The following MAST4 variants were observed in gnomAD, a reference collection of about 807,000 sequenced individuals.
MAST4 encodes microtubule associated serine/threonine kinase family member 4.
MAST4 carries 89 observed loss-of-function variants against 162.7 expected under a neutral mutation model. The observed-to-expected ratio is 0.55, with a 90% CI of 0.46 to 0.65. The LOEUF (loss-of-function observed/expected upper bound fraction) is 0.65, where lower values mean the gene tolerates loss of function less well. Among genes scored for constraint, MAST4 ranks in the 30% least tolerant of loss-of-function variants. The pLI is 0.00. For missense variants in MAST4, 3,153 were observed against 3,374.0 expected, an observed-to-expected ratio of 0.93 and a Z score of 1.62; for synonymous variants, 1,479 against 1,361.1, an observed-to-expected ratio of 1.09 and a Z score of -1.91.
chr5:67,074,178 G>T (rs1761316284), intron 5 of MAST4, among the ~76,000 whole-genome samples: 1 of 151,710 alleles, frequency 6.6e-6, no homozygotes, highest in African/African-American at 2.4e-5. Flanking sequence ...AAAAGAAATA[G>T]AAATGACAGA....
intron 1 of MAST4, among the ~76,000 whole-genome samples, chr5:66,701,933 A>T (rs1006671926): frequency 2.0e-5 from 3 of 152,214 alleles, no homozygotes; most frequent in African/African-American, 7.2e-5. Context: ...ATTCATATAT[A>T]GTTCAAAATA....
At chr5:67,161,885 G>C (rs938742134) in intron 27 of MAST4, among the ~76,000 whole-genome samples, 7 of 152,296 alleles carry the variant, frequency 4.6e-5, no homozygotes, top group African/African-American at 1.7e-4. Flanking sequence ...GAGTGGGTTA[G>C]ATCTTACCAT....
At chr5:67,029,754 G>A (rs1173025689) in intron 4 of MAST4, among the ~76,000 whole-genome samples, 1 of 152,150 alleles carries the variant, frequency 6.6e-6, no homozygotes, top group African/African-American at 2.4e-5. Flanking sequence ...GGATGGAATA[G>A]TAGGAGTTTT....
At chr5:66,601,825 T>C (rs1035660588) in intron 1 of MAST4, among the ~76,000 whole-genome samples, 2 of 152,094 alleles carry the variant, frequency 1.3e-5, no homozygotes, top group Admixed American at 6.5e-5. Flanking sequence ...CATGATCAGA[T>C]TTGTATTTTG....
intron 1 of MAST4, among the ~76,000 whole-genome samples, chr5:66,617,114 A>G (rs2149401953): frequency 6.6e-6 from 1 of 152,332 alleles, no homozygotes; most frequent in South Asian, 2.1e-4. Flanking sequence ...ATTAAAATGG[A>G]GTATGAGGCA....
At position 67,136,551 on chromosome 5, in the gene MAST4, T is replaced by C. The variant is rs1446824629; in HGVS notation, c.2393-12T>C. The C allele has an allele frequency of 6.3e-7, 1 of 1,583,248 alleles. No individual in the cohort carries two copies. Among genetic ancestry groups the C allele is most frequent in the South Asian group, 1.2e-5 (1 of 86,514 alleles). Reference sequence around the variant, plus strand: ...GAACAATATGGTTATAAACAACTTTTCTTCCTTCTAGATGAGATCAACTGG... The same window carrying C: ...GAACAATATGGTTATAAACAACTTTCCTTCCTTCTAGATGAGATCAACTGG... On this transcript the variant is annotated splice_polypyrimidine_tract_variant and intron_variant, in intron 18 of 28. Coordinates refer to ENST00000403625, the MANE Select transcript of MAST4 (RefSeq NM_001164664.2).
At chr5:66,836,376 A>G (rs1267326696) in intron 3 of MAST4, among the ~76,000 whole-genome samples, 1 of 152,226 alleles carries the variant, frequency 6.6e-6, no homozygotes, top group Non-Finnish European at 1.5e-5. Flanking sequence ...CACTGTGGAA[A>G]GCAGTTTGGC....
chr5:67,044,940 A>G (rs1234194849), intron 4 of MAST4, among the ~76,000 whole-genome samples: 1 of 152,218 alleles, frequency 6.6e-6, no homozygotes, highest in Non-Finnish European at 1.5e-5. Context: ...GTTTCATACC[A>G]TGCATCCAGC....
intron 4 of MAST4, among the ~76,000 whole-genome samples, chr5:66,938,820 C>T (rs953203521): frequency 6.6e-6 from 1 of 152,078 alleles, no homozygotes; most frequent in African/African-American, 2.4e-5. Flanking sequence ...TTCAAAAACC[C>T]ACAACACATA....
chr5:66,597,646 C>G (rs866167065), intron 1 of MAST4, among the ~76,000 whole-genome samples: 9 of 152,206 alleles, frequency 5.9e-5, no homozygotes, highest in Admixed American at 2.6e-4. Context: ...TTGTTTCCAG[C>G]TTGTCCAGAT....
intron 4 of MAST4, among the ~76,000 whole-genome samples, chr5:66,951,130 A>G (rs1282874484): frequency 6.6e-6 from 1 of 152,230 alleles, no homozygotes; most frequent in Non-Finnish European, 1.5e-5. Context: ...TTAGGCCTTA[A>G]GGTTCTGTAG....
Position 66,660,091 on chromosome 5 carries a change from A to G in MAST4, c.363+63073A>G, listed in dbSNP as rs1404175396. Reference sequence around the variant, plus strand: ...TGGGAAAGTGAAAGAGTGGCACATGAAAGTGCTACATGCGTGGCTGGCCAC... The same window carrying G: ...TGGGAAAGTGAAAGAGTGGCACATGGAAGTGCTACATGCGTGGCTGGCCAC... On this transcript the variant is annotated intron_variant, in intron 1 of 28. Coordinates refer to ENST00000403625, the MANE Select transcript of MAST4 (RefSeq NM_001164664.2). Among the ~76,000 whole-genome samples, 3 of 152,194 alleles carry G rather than the reference A, an allele frequency of 2.0e-5. No homozygotes were observed. The South Asian group carries it at 6.2e-4, about 32-fold the overall frequency.
At chr5:66,940,515 G>A (rs1743243579) in intron 4 of MAST4, among the ~76,000 whole-genome samples, 1 of 152,142 alleles carries the variant, frequency 6.6e-6, no homozygotes, top group African/African-American at 2.4e-5. Context: ...TTCATTAGGA[G>A]TAAATTCTAC....
chr5:67,133,702 G>A (rs555371422), intron 17 of MAST4, 56 bp downstream of exon 17: 1 of 1,587,142 alleles, frequency 6.3e-7, no homozygotes, highest in African/African-American at 1.3e-5. Flanking sequence ...TATTGCCAGT[G>A]AAGTTCAGAA....
chr5:67,130,387 C>T lies in MAST4; in HGVS notation c.1923C>T (p.Arg641=). The T allele has an allele frequency of 6.2e-7, 1 of 1,613,944 alleles. No homozygotes were observed. Among genetic ancestry groups the T allele is most frequent in the Non-Finnish European group, 8.5e-7 (1 of 1,179,866 alleles). Residue 641 remains arginine (R), a synonymous_variant, in exon 15 of 29, where the codon CGC becomes CGT. Coordinates refer to ENST00000403625, the MANE Select transcript of MAST4 (RefSeq NM_001164664.2). The part of the protein sequence containing the change: ...VSMYCSFETR[R]HLCMVMEYVE... ...TGTATTGCTCCTTTGAAACAAGGCG[C>T]CACTTGTGCATGGTCATGGAATATG... is the stretch of plus-strand genomic sequence containing the variant.
chr5:66,764,328 G>C (rs1205471915), intron 2 of MAST4, among the ~76,000 whole-genome samples: 2 of 152,114 alleles, frequency 1.3e-5, no homozygotes, highest in Non-Finnish European at 2.9e-5. Flanking sequence ...TCCTGTACAG[G>C]CACATTTCAA....
intron 2 of MAST4, among the ~76,000 whole-genome samples, chr5:66,787,843 T>G (rs1376894887): frequency 1.3e-5 from 2 of 152,228 alleles, no homozygotes; most frequent in Non-Finnish European, 2.9e-5. Context: ...TCTGCTATTA[T>G]TGGGGCAAAG....
rs552162391 is a variant in MAST4, at chr5:67,067,550, G to T, written c.763+13058G>T. 2.5e-4 allele frequency among the ~76,000 whole-genome samples: 38 copies of T among 152,264 alleles called. No homozygotes were observed. The South Asian group carries it at 7.7e-3, about 31-fold the overall frequency. On this transcript the variant is annotated intron_variant, in intron 5 of 28. Transcript: ENST00000403625. Reference sequence around the variant, plus strand: ...AAATACAAAGCAAATTAGGACACAGGCTTATTGCCATCTCCAAGGGGATTA... The same window carrying T: ...AAATACAAAGCAAATTAGGACACAGTCTTATTGCCATCTCCAAGGGGATTA...
intron 4 of MAST4, among the ~76,000 whole-genome samples, chr5:66,994,771 A>T (rs774974633): frequency 6.6e-6 from 1 of 152,212 alleles, no homozygotes; most frequent in African/African-American, 2.4e-5. Flanking sequence ...AGAAAGGAGG[A>T]AGTAATCCCA....
Sources: allele counts gnomAD v4.1 joint callset (sites outside exome capture counted in the v4.1 genomes callset), GRCh38; gene constraint gnomAD v4.1.1; transcripts MANE v1.5; gene names NCBI Gene and HGNC (gene_info 2026-07-23, HGNC 2026-07-21).